RORA: variants seen among roughly 807,000 people sequenced by gnomAD.
The protein encoded by RORA is RAR related orphan receptor A, also known as nuclear receptor ROR-alpha.
In RORA, 7 loss-of-function variants were observed where a neutral mutation model predicts 69.5. The ratio of observed to expected loss-of-function variants is 0.10; its 90% CI spans 0.06 to 0.19. RORA has a LOEUF of 0.19. Ranked by LOEUF, RORA falls within the 10% of genes least tolerant of loss-of-function variation. The pLI is 1.00. For missense variants in RORA, 457 were observed against 663.0 expected (o/e 0.69, Z 3.41); for synonymous variants, 261 against 240.8 (o/e 1.08, Z -0.78).
rs71122860 is a variant in RORA, at chr15:60,493,949, T to TCACACACACACACACACACACACA, written c.*3482_*3505dup. ...CGCACACACATCATACACATGCAAATCACACACACACACACACACACACAC... is the reference window on the plus strand; with the variant it reads ...CGCACACACATCATACACATGCAAATCACACACACACACACACACACACACACACACACACACACACACACACAC... On this transcript the variant is annotated 3_prime_UTR_variant, in exon 11 of 11. Coordinates refer to ENST00000335670, the MANE Select transcript of RORA (RefSeq NM_134261.3). 6.9e-6 allele frequency: 1 copy of TCACACACACACACACACACACACA among 143,966 alleles called. No individual in the cohort carries two copies. The highest frequency in any genetic ancestry group is 1.5e-5 in the Non-Finnish European group (1 of 66,094). 8.9% of individuals were successfully genotyped at this position (143,966 alleles called of 1,614,324 possible). A position where few individuals can be genotyped will look rare whatever the true frequency, so the allele number is the denominator to read the frequency against.
Position 60,625,780 on chromosome 15 carries a change from C to T in RORA, c.196+52877G>A, listed in dbSNP as rs78334766. On this transcript the variant is annotated intron_variant, in intron 2 of 10. Transcript: ENST00000335670. ...CTAACATATTTATAGAATGGATTTTCGGAAGGCTGCATAAGAAATTGGTAA... is the reference window on the plus strand; with the variant it reads ...CTAACATATTTATAGAATGGATTTTTGGAAGGCTGCATAAGAAATTGGTAA... Among the ~76,000 whole-genome samples the T allele has an allele frequency of 3.8e-3, 581 of 152,260 alleles. 4 individuals carry two copies. Among genetic ancestry groups the T allele is most frequent in the African/African-American group, 0.01 (428 of 41,546 alleles).
chr15:60,547,082 C>G (rs1211461744), intron 2 of RORA, among the ~76,000 whole-genome samples: 1 of 152,086 alleles, frequency 6.6e-6, no homozygotes, highest in Non-Finnish European at 1.5e-5. Flanking sequence ...TGGATGATAG[C>G]CTTCGAATGC....
chr15:61,027,485 A>G lies in RORA; in HGVS notation c.166+201568T>C, dbSNP rs1330568901. On this transcript the variant is annotated intron_variant, in intron 1 of 10. Coordinates refer to ENST00000335670, the MANE Select transcript of RORA (RefSeq NM_134261.3). The stretch of plus-strand genomic sequence containing the variant: ...TTTGTGTCATTTGATCCATAACTAT[A>G]CTACTGAGATTGACTGAATTATCCC... 2.0e-5 allele frequency among the ~76,000 whole-genome samples: 3 copies of G among 152,168 alleles called. No homozygotes were observed. In the East Asian group the frequency reaches 5.8e-4, roughly 29 times the overall value.
chr15:61,057,463 C>T (rs1354458246), intron 1 of RORA, among the ~76,000 whole-genome samples: 1 of 152,158 alleles, frequency 6.6e-6, no homozygotes, highest in Non-Finnish European at 1.5e-5. Context: ...GCGCCTTCAG[C>T]ATTTCTTTAG....
intron 1 of RORA, among the ~76,000 whole-genome samples, chr15:60,750,978 C>T (rs2071715613): frequency 6.6e-6 from 1 of 152,186 alleles, no homozygotes; most frequent in African/African-American, 2.4e-5. Flanking sequence ...TTATTTCACT[C>T]CACTGTGAGG....
chr15:60,592,788 C>A, intron 2 of RORA: 1 of 718,224 alleles, frequency 1.4e-6, no homozygotes, highest in South Asian at 1.6e-5. Flanking sequence ...CGCCCGCCTT[C>A]CCCTCGCCTT....
intron 2 of RORA, among the ~76,000 whole-genome samples, chr15:60,628,643 G>A (rs2069654953): frequency 6.6e-6 from 1 of 152,146 alleles, no homozygotes; most frequent in Non-Finnish European, 1.5e-5. Flanking sequence ...GCACAGACCA[G>A]GCATTTAATT....
intron 1 of RORA, among the ~76,000 whole-genome samples, chr15:60,798,060 C>G (rs765735618): frequency 1.3e-5 from 2 of 152,126 alleles, no homozygotes; most frequent in Non-Finnish European, 2.9e-5. Flanking sequence ...AGCTTGAACT[C>G]TGGCATTAAG....
chr15:60,587,468 G>C (rs1207723713), intron 2 of RORA, among the ~76,000 whole-genome samples: 1 of 152,120 alleles, frequency 6.6e-6, no homozygotes, highest in South Asian at 2.1e-4. Flanking sequence ...TAGAAATTAG[G>C]GTTGTAGTTC....
chr15:60,889,616 G>A (rs930113669), intron 1 of RORA, among the ~76,000 whole-genome samples: 7 of 152,232 alleles, frequency 4.6e-5, no homozygotes, highest in Admixed American at 2.6e-4. Context: ...TGAGAGCTGC[G>A]CTGTGCGGGA....
chr15:60,988,219 G>A lies in RORA; in HGVS notation c.166+240834C>T, dbSNP rs1595863546. On this transcript the variant is annotated intron_variant, in intron 1 of 10. Coordinates refer to ENST00000335670, the MANE Select transcript of RORA (RefSeq NM_134261.3). ...CTAAGCAGGTCCTCCAGGCCAGAAGGAGGGTTGGGAGAGGGAAGACACTGG... is the reference window on the plus strand; with the variant it reads ...CTAAGCAGGTCCTCCAGGCCAGAAGAAGGGTTGGGAGAGGGAAGACACTGG... Among the ~76,000 whole-genome samples the A allele has an allele frequency of 2.6e-5, 4 of 152,216 alleles. No individual in the cohort carries two copies. The South Asian group carries it at 8.3e-4, about 32-fold the overall frequency.
At chr15:60,656,128 T>C (rs1293664119) in intron 2 of RORA, among the ~76,000 whole-genome samples, 1 of 152,196 alleles carries the variant, frequency 6.6e-6, no homozygotes, top group South Asian at 2.1e-4. Context: ...AGTCAACATC[T>C]GATTGGCCCT....
intron 1 of RORA, among the ~76,000 whole-genome samples, chr15:60,870,195 A>C (rs1020325689): frequency 2.6e-5 from 4 of 152,200 alleles, no homozygotes; most frequent in African/African-American, 9.7e-5. Context: ...TTATTCAGAG[A>C]GTTATTGAAC....
At chr15:60,527,482 GACCTGCC>G (rs2141426293) in intron 3 of RORA, among the ~76,000 whole-genome samples, 1 of 152,292 alleles carries the variant, frequency 6.6e-6, no homozygotes, top group South Asian at 2.1e-4. Context: ...CATGGGGCAC[GACCTGCC>G]CCTCCTTCCT....
intron 1 of RORA, among the ~76,000 whole-genome samples, chr15:61,082,300 C>T (rs1258504039): frequency 1.3e-5 from 2 of 152,150 alleles, no homozygotes; most frequent in Admixed American, 6.5e-5. Context: ...ATCAGCCTGG[C>T]CAACATGGTG....
At chr15:60,784,946 C>A (rs1222564819) in intron 1 of RORA, among the ~76,000 whole-genome samples, 2 of 152,142 alleles carry the variant, frequency 1.3e-5, no homozygotes, top group African/African-American at 2.4e-5. Flanking sequence ...TTAGATGTCA[C>A]CCCTGTCCCA....
At chr15:60,593,161 C>T (rs1253105411) in intron 2 of RORA, 1 of 302,210 alleles carries the variant, frequency 3.3e-6, no homozygotes, top group Non-Finnish European at 6.5e-6. Context: ...GCCCACCCAA[C>T]CCTTGGCAAC....
intron 2 of RORA, among the ~76,000 whole-genome samples, chr15:60,553,498 G>GT (rs1318109568): frequency 6.6e-6 from 1 of 152,188 alleles, no homozygotes; most frequent in African/African-American, 2.4e-5. Context: ...AATGGGCTAA[G>GT]AGTCAGATGG....
chr15:60,974,622 T>C (rs1388807513), intron 1 of RORA, among the ~76,000 whole-genome samples: 1 of 152,206 alleles, frequency 6.6e-6, no homozygotes, highest in Non-Finnish European at 1.5e-5. Flanking sequence ...AAAGGCCTCA[T>C]TCATTCCACG....
Sources: allele counts gnomAD v4.1 joint callset (sites outside exome capture counted in the v4.1 genomes callset), GRCh38; gene constraint gnomAD v4.1.1; transcripts MANE v1.5; gene names NCBI Gene and HGNC (gene_info 2026-07-23, HGNC 2026-07-21).